GRIK1: variants seen among roughly 807,000 people sequenced by gnomAD.
GRIK1 encodes glutamate receptor ionotropic, kainate 1.
Under a neutral mutation model 105.7 loss-of-function variants are expected in GRIK1, and 69 were observed. The ratio of observed to expected loss-of-function variants is 0.65; its 90% CI spans 0.54 to 0.80. The LOEUF (loss-of-function observed/expected upper bound fraction) is 0.80. Ranked by LOEUF, GRIK1 falls within the 30% of genes least tolerant of loss-of-function variation. GRIK1 has a pLI of 0.00. For missense variants in GRIK1, 1,109 were observed against 1,167.3 expected (o/e 0.95, Z 0.73); for synonymous variants, 438 against 431.3 (o/e 1.02, Z -0.19).
intron 1 of GRIK1, among the ~76,000 whole-genome samples, chr21:29,778,421 C>A (rs1038188119): frequency 1.3e-5 from 2 of 152,140 alleles, no homozygotes; most frequent in Non-Finnish European, 2.9e-5. Flanking sequence ...CAGTTCCTTG[C>A]GGCGACTCAG....
intron 1 of GRIK1, among the ~76,000 whole-genome samples, chr21:29,767,559 A>T (rs1481714478): frequency 6.6e-6 from 1 of 152,170 alleles, no homozygotes; most frequent in East Asian, 1.9e-4. Flanking sequence ...TATAACATAA[A>T]TTTTTTAAAA....
intron 1 of GRIK1, among the ~76,000 whole-genome samples, chr21:29,841,180 T>C (rs1364855329): frequency 6.6e-6 from 1 of 152,186 alleles, no homozygotes; most frequent in Admixed American, 6.5e-5. Context: ...AATATTTAAA[T>C]TGATGATGAT....
At chr21:29,609,980 G>A (rs2061697820) in intron 7 of GRIK1, among the ~76,000 whole-genome samples, 1 of 152,126 alleles carries the variant, frequency 6.6e-6, no homozygotes, top group Non-Finnish European at 1.5e-5. Context: ...TTAATCAGGT[G>A]TAGCAAACCC....
At chr21:29,872,295 G>A (rs1261885477) in intron 1 of GRIK1, among the ~76,000 whole-genome samples, 1 of 149,398 alleles carries the variant, frequency 6.7e-6, no homozygotes, top group African/African-American at 2.5e-5. Flanking sequence ...CTGGGTTCAC[G>A]CCATTCTCCT....
chr21:29,733,933 T>C (rs2064703043), intron 1 of GRIK1, among the ~76,000 whole-genome samples: 1 of 152,110 alleles, frequency 6.6e-6, no homozygotes, highest in Non-Finnish European at 1.5e-5. Context: ...AGTGAAATAA[T>C]TAGTTTTACT....
intron 4 of GRIK1, among the ~76,000 whole-genome samples, chr21:29,668,042 A>C (rs946148871): frequency 3.9e-5 from 6 of 152,206 alleles, no homozygotes; most frequent in Non-Finnish European, 7.3e-5. Context: ...GTAGAAGAAA[A>C]TATGACTTTG....
At chr21:29,556,307 G>A (rs531629795) in intron 15 of GRIK1, among the ~76,000 whole-genome samples, 64 of 152,214 alleles carry the variant, frequency 4.2e-4, no homozygotes, top group Admixed American at 1.2e-3. Context: ...TAAAGCTCTT[G>A]CCCCAACCCC....
chr21:29,883,054 T>G (rs1230942947), intron 1 of GRIK1, among the ~76,000 whole-genome samples: 1 of 152,092 alleles, frequency 6.6e-6, no homozygotes, highest in East Asian at 1.9e-4. Context: ...CATGGAATCG[T>G]GGCTTGTCTG....
At chr21:29,608,471 G>A (rs2146360093) in intron 7 of GRIK1, among the ~76,000 whole-genome samples, 1 of 152,112 alleles carries the variant, frequency 6.6e-6, no homozygotes, top group South Asian at 2.1e-4. Flanking sequence ...AGCTTTAATT[G>A]GTTCATTAAT....
At chr21:29,857,665 TAAC>T (rs2068504912) in intron 1 of GRIK1, among the ~76,000 whole-genome samples, 1 of 152,160 alleles carries the variant, frequency 6.6e-6, no homozygotes, top group South Asian at 2.1e-4. Flanking sequence ...ATGGAAAACT[TAAC>T]AAACAACTAA....
At chr21:29,539,942 T>C (rs1396490741) in intron 16 of GRIK1, among the ~76,000 whole-genome samples, 1 of 152,232 alleles carries the variant, frequency 6.6e-6, no homozygotes, top group Non-Finnish European at 1.5e-5. Flanking sequence ...AAATATTTTT[T>C]ATCACTATAG....
chr21:29,803,424 T>C (rs2066768415), intron 1 of GRIK1, among the ~76,000 whole-genome samples: 1 of 152,166 alleles, frequency 6.6e-6, no homozygotes, highest in Admixed American at 6.5e-5. Flanking sequence ...ATTCTTTACA[T>C]TTCCTGCCTC....
intron 1 of GRIK1, among the ~76,000 whole-genome samples, chr21:29,900,259 C>G (rs2070345113): frequency 6.6e-6 from 1 of 151,908 alleles, no homozygotes; most frequent in Admixed American, 6.6e-5. Flanking sequence ...ATCATAATGA[C>G]AGGATCAAAT....
chr21:29,850,174 A>C (rs1403341746), intron 1 of GRIK1, among the ~76,000 whole-genome samples: 1 of 152,208 alleles, frequency 6.6e-6, no homozygotes, highest in Non-Finnish European at 1.5e-5. Flanking sequence ...CTTAAAAACT[A>C]TCTCAAATAT....
chr21:29,560,404 T>TTCCTTCCTTCCTTC (rs1568814290), intron 15 of GRIK1, among the ~76,000 whole-genome samples: 12 of 76,834 alleles, frequency 1.6e-4, no homozygotes, highest in South Asian at 1.1e-3. Context: ...TTCCTTCCTT[T>TTCCTTCCTTCCTTC]CTTTCTTTCT....
At chr21:29,850,022 T>C (rs1383304084) in intron 1 of GRIK1, among the ~76,000 whole-genome samples, 2 of 152,152 alleles carry the variant, frequency 1.3e-5, no homozygotes, top group African/African-American at 4.8e-5. Context: ...ACTCACGTTT[T>C]TTAGAGTGCA....
intron 13 of GRIK1, among the ~76,000 whole-genome samples, chr21:29,579,999 A>ATATATATGTGTATATATG (rs2090982700): frequency 6.9e-6 from 1 of 145,584 alleles, no homozygotes; most frequent in African/African-American, 2.6e-5. Flanking sequence ...ATATATATGT[A>ATATATATGTGTATATATG]TATATATGTA....
intron 15 of GRIK1, among the ~76,000 whole-genome samples, chr21:29,558,721 T>A (rs8134553): frequency 0.54 from 81,329 of 149,228 alleles, 24,840 homozygotes; most frequent in Middle Eastern, 0.72. Context: ...ATATATATAT[T>A]TTTTTGTATT....
intron 1 of GRIK1, among the ~76,000 whole-genome samples, chr21:29,768,517 C>T (rs985367674): frequency 6.6e-6 from 1 of 152,202 alleles, no homozygotes; most frequent in Non-Finnish European, 1.5e-5. Flanking sequence ...TGAATGGTGT[C>T]TCAGAACTGT....
Sources: allele counts gnomAD v4.1 joint callset (sites outside exome capture counted in the v4.1 genomes callset), GRCh38; gene constraint gnomAD v4.1.1; transcripts MANE v1.5; gene names NCBI Gene and HGNC (gene_info 2026-07-23, HGNC 2026-07-21).